Variants in WDR83 observed in about 807,000 individuals in gnomAD.
WDR83 encodes WD repeat domain 83.
A neutral mutation model predicts 37.7 loss-of-function variants in WDR83; 37 were observed. That is an observed-to-expected ratio of 0.98 (90% CI 0.76 to 1.29). The LOEUF is 1.29. Among genes scored for constraint, WDR83 ranks in the 50% most tolerant of loss-of-function variants. WDR83 has a pLI of 0.00. For missense variants in WDR83, 445 were observed against 414.4 expected, an observed-to-expected ratio of 1.07 and a Z score of -0.64; for synonymous variants, 174 against 181.1, an observed-to-expected ratio of 0.96 and a Z score of 0.31.
Position 12,675,807 on chromosome 19 carries a change from G to T in WDR83, c.*135G>T. 2 of 1,571,162 alleles carry T rather than the reference G, an allele frequency of 1.3e-6. No homozygotes were observed. Among genetic ancestry groups the T allele is most frequent in the Non-Finnish European group, 1.7e-6 (2 of 1,156,328 alleles). On this transcript the variant is annotated 3_prime_UTR_variant, in exon 11 of 11. Transcript: ENST00000418543. ...GGTCTGCAAATTAATAAATAGAAGA[G>T]GGGGTAAGACCTTCCTGGGACCGCA...
In WDR83 at chr19:12,675,600, G is replaced by T; in HGVS notation, c.876G>T (p.Leu292=). The change falls in exon 11 of 11, where the codon CTG becomes CTT. Residue 292 remains leucine, a synonymous_variant. Coordinates refer to ENST00000418543, the MANE Select transcript of WDR83 (RefSeq NM_001099737.3). ...SLAYHPTEPC[L]LTAMGGSVQC... is the part of the protein sequence containing the mutation. ...CCTACCACCCAACAGAGCCCTGCCT[G>T]CTGACCGCCATGGGAGGCAGCGTCC... The T allele has an allele frequency of 6.2e-7, 1 of 1,605,042 alleles. No individual in the cohort carries two copies.
intron 10 of WDR83, among the ~76,000 whole-genome samples, chr19:12,674,910 T>TA (rs2024526986): frequency 1.4e-5 from 2 of 147,396 alleles, no homozygotes; most frequent in Admixed American, 6.8e-5. Flanking sequence ...GGTCAGGAGA[T>TA]AGAGATCATC....
At chr19:12,669,032 C>A in intron 2 of WDR83, 2 of 1,282,038 alleles carry the variant, frequency 1.6e-6, no homozygotes, top group Non-Finnish European at 1.1e-6. Flanking sequence ...GGTCCCGCCC[C>A]ATCAGCAATG....
At chr19:12,669,402 A>C (rs1354996742) in intron 2 of WDR83, 11 of 1,596,338 alleles carry the variant, frequency 6.9e-6, no homozygotes, top group Non-Finnish European at 9.4e-6. Flanking sequence ...GTTAGTGGAC[A>C]TAGCGAGTCG....
rs2024354424 is a variant in WDR83, at chr19:12,669,738, C to G, written c.-36-17C>G. On this transcript the variant is annotated splice_polypyrimidine_tract_variant and intron_variant, in intron 2 of 10. Transcript: ENST00000418543. ...CACCCAAGCGTGGGTTTCTAAGGCG[C>G]GGAATTTTCCGTACAGACCGATTTA... 6.6e-7 allele frequency: 1 copy of G among 1,522,548 alleles called. No homozygotes were observed. Among genetic ancestry groups the G allele is most frequent in the Non-Finnish European group, 8.8e-7 (1 of 1,132,312 alleles). 94.3% of individuals were successfully genotyped at this position (1,522,548 alleles called of 1,614,324 possible).
chr19:12,668,615 C>A lies in WDR83; in HGVS notation c.-49C>A, dbSNP rs1166575530. On this transcript the variant is annotated 5_prime_UTR_variant, in exon 2 of 11. Coordinates refer to ENST00000418543, the MANE Select transcript of WDR83 (RefSeq NM_001099737.3). ...AGACAGCGACCCAAGCACACCACTT[C>A]AGCTAGGGAAAGGTAAGTGGGTGGG... The A allele has an allele frequency of 1.2e-6, 2 of 1,613,938 alleles. No individual in the cohort carries two copies. Among genetic ancestry groups the A allele is most frequent in the East Asian group, 4.5e-5 (2 of 44,882 alleles).
chr19:12,674,485 T>A (rs1189049445), intron 10 of WDR83, among the ~76,000 whole-genome samples: 1 of 152,134 alleles, frequency 6.6e-6, no homozygotes, highest in South Asian at 2.1e-4. Context: ...AGCTCTTGCT[T>A]TAGGAACTAA....
chr19:12,675,219 G>A (rs984029244), intron 10 of WDR83, among the ~76,000 whole-genome samples: 4 of 152,192 alleles, frequency 2.6e-5, no homozygotes, highest in Non-Finnish European at 4.4e-5. Flanking sequence ...TTGAGGCCAG[G>A]AGTTCGAGAC....
chr19:12,670,557 T>C lies in WDR83; in HGVS notation c.331-6T>C. ...AGCCTCCTCTGAGTGGCAATAACTT[T>C]CTCAGAAGGTGAACACGGTGCAGTT... is the stretch of plus-strand genomic sequence containing the variant. On this transcript the variant is annotated splice_region_variant and splice_polypyrimidine_tract_variant and intron_variant, in intron 5 of 10. Coordinates refer to ENST00000418543, the MANE Select transcript of WDR83 (RefSeq NM_001099737.3). 1 of 1,614,186 alleles carries C rather than the reference T, an allele frequency of 6.2e-7. No individual in the cohort carries two copies. Among genetic ancestry groups the C allele is most frequent in the Non-Finnish European group, 8.5e-7 (1 of 1,180,040 alleles).
At position 12,670,040 on chromosome 19, in the gene WDR83, G is replaced by T; in HGVS notation, c.167G>T (p.Arg56Leu). 6.2e-7 allele frequency: 1 copy of T among 1,613,142 alleles called. No individual in the cohort carries two copies. Among genetic ancestry groups the T allele is most frequent in the South Asian group, 1.1e-5 (1 of 91,042 alleles). ...ACGCTGAAGCTGTGGAACCCGCTTCGGGGGACGCTGCTGCGGACGTACAGC... is the reference window on the plus strand; with the variant it reads ...ACGCTGAAGCTGTGGAACCCGCTTCTGGGGACGCTGCTGCGGACGTACAGC... Reference protein sequence around the residue: ...DKTLKLWNPLRGTLLRTYSGH... With the variant: ...DKTLKLWNPLLGTLLRTYSGH... The change falls in exon 4 of 11, where the codon CGG becomes CTG. Residue 56 changes from arginine (R) to leucine (L), a missense_variant. Transcript: ENST00000418543.
chr19:12,670,204 C>T lies in WDR83; in HGVS notation c.249C>T (p.Cys83=). ...GCTCCTTTGACAACAGTAGTCTCTG[C>T]TCCGGCGGCGGGGACAAGGCGGTGG... ...AAGSFDNSSL[C]SGGGDKAVVL... Residue 83 remains cysteine (C), a synonymous_variant, in exon 5 of 11, where the codon TGC becomes TGT. Coordinates refer to ENST00000418543, the MANE Select transcript of WDR83 (RefSeq NM_001099737.3). 1 of 1,614,092 alleles carries T rather than the reference C, an allele frequency of 6.2e-7. No homozygotes were observed. The highest frequency in any genetic ancestry group is 8.5e-7 in the Non-Finnish European group (1 of 1,179,986).
intron 7 of WDR83, among the ~76,000 whole-genome samples, chr19:12,671,858 C>T (rs561220139): frequency 5.2e-4 from 79 of 152,090 alleles, no homozygotes; most frequent in African/African-American, 1.9e-3. Context: ...CCACCACGCC[C>T]AGCTAATTTT....
chr19:12,673,394 G>T, intron 10 of WDR83, 78 bp downstream of exon 10: 1 of 858,126 alleles, frequency 1.2e-6, no homozygotes, highest in Non-Finnish European at 1.9e-6. Context: ...TCACTCCAGG[G>T]CCTGAAGGCT....
chr19:12,672,644 C>G (rs2024456727), intron 7 of WDR83: 1 of 603,298 alleles, frequency 1.7e-6, no homozygotes, highest in Non-Finnish European at 3.0e-6. Flanking sequence ...CAGAAGGACT[C>G]CAAGGGCTTG....
At chr19:12,675,397 T>C in intron 10 of WDR83, 126 bp from the exon 11 acceptor site, 1 of 1,338,706 alleles carries the variant, frequency 7.5e-7, no homozygotes, top group Non-Finnish European at 1.0e-6. Flanking sequence ...TAGAGGCAGG[T>C]GGCTGAAGGT....
At chr19:12,671,675 A>C (rs2024422468) in intron 7 of WDR83, among the ~76,000 whole-genome samples, 1 of 152,192 alleles carries the variant, frequency 6.6e-6, no homozygotes, top group African/African-American at 2.4e-5. Context: ...TAAATAAATA[A>C]ATACATAAAA....
chr19:12,670,538 C>T (rs1490052682), intron 5 of WDR83, 25 bp from the exon 6 acceptor site: 3 of 1,614,068 alleles, frequency 1.9e-6, no homozygotes, highest in South Asian at 1.1e-5. Flanking sequence ...GTCCAGCCTC[C>T]TCTGAGTGGC....
At chr19:12,673,477 G>T (rs2024483295) in intron 10 of WDR83, among the ~76,000 whole-genome samples, 161 bp downstream of exon 10, 1 of 149,166 alleles carries the variant, frequency 6.7e-6, no homozygotes, top group South Asian at 2.1e-4. Context: ...GAGTGCAGTG[G>T]CGCAATCTTG....
chr19:12,672,974 C>T, intron 8 of WDR83, 34 bp from the exon 9 acceptor site: 1 of 1,600,538 alleles, frequency 6.2e-7, no homozygotes, highest in Middle Eastern at 1.7e-4. Flanking sequence ...CAGGGGCACC[C>T]CACCCTCACT....
Sources: gnomAD v4.1 joint callset for allele counts (sites outside exome capture counted in the v4.1 genomes callset) on GRCh38, gnomAD v4.1.1 for gene constraint, MANE v1.5 for transcripts, NCBI Gene and HGNC (gene_info 2026-07-23, HGNC 2026-07-21) for gene names.